The following KANK1 variants were observed in gnomAD, a reference collection of about 807,000 sequenced individuals.
KANK1 encodes the protein KN motif and ankyrin repeat domain-containing protein 1.
A neutral mutation model predicts 106.2 loss-of-function variants in KANK1; 109 were observed. The ratio of observed to expected loss-of-function variants is 1.03; its 90% confidence interval spans 0.88 to 1.20. The LOEUF (loss-of-function observed/expected upper bound fraction) is 1.20, where lower values mean the gene tolerates loss of function less well. Among genes scored for constraint, KANK1 ranks in the 50% most tolerant of loss-of-function variants. The probability of loss-of-function intolerance (pLI) is 0.00; values close to 1 mark genes in which losing one functional copy is unlikely to be tolerated. For missense variants in KANK1, 2,399 were observed against 1,710.7 expected, an observed-to-expected ratio of 1.40 and a Z score of -7.10; for synonymous variants, 873 against 652.2, an observed-to-expected ratio of 1.34 and a Z score of -5.16.
rs969137321 is a variant in KANK1 at position 707,148 on chromosome 9, C to T, written c.38-3656C>T. The T allele has an allele frequency of 2.9e-5, 29 of 985,406 alleles. No individual in the cohort carries two copies. In the East Asian group the frequency reaches 6.8e-4, roughly 23 times the overall value. 61.0% of individuals were successfully genotyped at this position (985,406 alleles called of 1,614,324 possible). On this transcript the variant is annotated intron_variant, in intron 2 of 11. Coordinates refer to ENST00000382297, the MANE Select transcript of KANK1 (RefSeq NM_015158.5). ...ACACGAATGTTGAAACTTCTCCTCACGGGGTGAGGATCGAGGGCGCCCGAG... is the reference window on the plus strand; with the variant it reads ...ACACGAATGTTGAAACTTCTCCTCATGGGGTGAGGATCGAGGGCGCCCGAG...
intron 1 of KANK1, among the ~76,000 whole-genome samples, chr9:514,419 C>G (rs1452765480): frequency 6.7e-6 from 1 of 150,016 alleles, no homozygotes; most frequent in African/African-American, 2.5e-5. Context: ...TCTCCTTTAC[C>G]CAAATGGAGC....
intron 1 of KANK1, among the ~76,000 whole-genome samples, chr9:595,033 A>C (rs1825872864): frequency 6.6e-6 from 1 of 151,974 alleles, no homozygotes; most frequent in African/African-American, 2.4e-5. Context: ...AAAAAAAAGA[A>C]TTTTTAGAAA....
chr9:677,082 A>T (rs1004458347), intron 2 of KANK1, 73 bp downstream of exon 2: 8 of 1,369,402 alleles, frequency 5.8e-6, no homozygotes, highest in Non-Finnish European at 8.3e-6. Context: ...TCTCTTTAAT[A>T]ATGAACGGAT....
chr9:550,683 AGGT>A (rs1294581872), intron 1 of KANK1, among the ~76,000 whole-genome samples: 1 of 152,208 alleles, frequency 6.6e-6, no homozygotes, highest in East Asian at 1.9e-4. Flanking sequence ...CTCACGTGCA[AGGT>A]AGTGGCCAGC....
chr9:593,314 C>A (rs1295739926), intron 1 of KANK1, among the ~76,000 whole-genome samples: 1 of 151,750 alleles, frequency 6.6e-6, no homozygotes, highest in Non-Finnish European at 1.5e-5. Context: ...CATATTCAAA[C>A]AATAAAACAT....
At chr9:593,204 G>A (rs1338038843) in intron 1 of KANK1, among the ~76,000 whole-genome samples, 2 of 151,744 alleles carry the variant, frequency 1.3e-5, no homozygotes. Context: ...CAGACCATGT[G>A]TTCCAGTTTT....
At chr9:627,418 GGA>G (rs1834620658) in intron 1 of KANK1, among the ~76,000 whole-genome samples, 1 of 152,036 alleles carries the variant, frequency 6.6e-6, no homozygotes, top group African/African-American at 2.4e-5. Flanking sequence ...CCCTCCCACT[GGA>G]AGCATTGTGC....
At chr9:717,038 C>G (rs981778709) in intron 3 of KANK1, among the ~76,000 whole-genome samples, 2 of 151,700 alleles carry the variant, frequency 1.3e-5, no homozygotes, top group Non-Finnish European at 2.9e-5. Flanking sequence ...GTAATTCTAG[C>G]ATTCTGAGAG....
chr9:708,972 C>T (rs1326596642), intron 2 of KANK1, among the ~76,000 whole-genome samples: 1 of 152,224 alleles, frequency 6.6e-6, no homozygotes, highest in Non-Finnish European at 1.5e-5. Context: ...TTGAAAGGTT[C>T]TTGTGTTTCC....
intron 5 of KANK1, chr9:731,798 T>G (rs1832350756): frequency 6.5e-6 from 1 of 154,682 alleles, no homozygotes; most frequent in Non-Finnish European, 1.4e-5. Context: ...ACGTACATAG[T>G]TAAGCCCCTT....
intron 2 of KANK1, among the ~76,000 whole-genome samples, chr9:698,250 TC>T (rs1354837387): frequency 2.0e-5 from 3 of 152,102 alleles, no homozygotes; most frequent in Non-Finnish European, 4.4e-5. Flanking sequence ...GCATTTTCAG[TC>T]CTTGCTCTTC....
chr9:606,116 AT>A (rs1343445564), intron 1 of KANK1, among the ~76,000 whole-genome samples: 1 of 149,602 alleles, frequency 6.7e-6, no homozygotes, highest in Non-Finnish European at 1.5e-5. Flanking sequence ...TTCCCCCAGT[AT>A]ATAGCATTGA....
At chr9:640,878 A>G (rs924839071) in intron 1 of KANK1, among the ~76,000 whole-genome samples, 1 of 150,442 alleles carries the variant, frequency 6.6e-6, no homozygotes, top group African/African-American at 2.5e-5. Flanking sequence ...TTGTATTTTT[A>G]GTAGAGACAG....
chr9:706,073 T>A (rs1253293180), intron 2 of KANK1, among the ~76,000 whole-genome samples: 1 of 152,136 alleles, frequency 6.6e-6, no homozygotes, highest in Non-Finnish European at 1.5e-5. Flanking sequence ...ATTAAAAAAA[T>A]AATGACACCG....
intron 1 of KANK1, among the ~76,000 whole-genome samples, chr9:642,084 G>A (rs1838587112): frequency 1.3e-5 from 2 of 152,154 alleles, no homozygotes; most frequent in Admixed American, 6.6e-5. Context: ...GAGATAGGAT[G>A]CCCATAGTCA....
At chr9:492,598 C>G (rs1287629415) in intron 3 of KANK1, among the ~76,000 whole-genome samples, 1 of 151,876 alleles carries the variant, frequency 6.6e-6, no homozygotes, top group African/African-American at 2.4e-5. Flanking sequence ...ATAGAAAGTA[C>G]TAAGTAAATA....
intron 1 of KANK1, among the ~76,000 whole-genome samples, chr9:634,232 G>A (rs1207706589): frequency 6.6e-6 from 1 of 152,176 alleles, no homozygotes; most frequent in African/African-American, 2.4e-5. Flanking sequence ...AGTTTGGTGA[G>A]CGGAGGACTT....
rs1266319252 is a variant in KANK1 at position 654,822 on chromosome 9, A to T, written c.-83-22068A>T. 3.1e-3 allele frequency among the ~76,000 whole-genome samples: 104 copies of T among 33,716 alleles called. 1 individual carries two copies. Among genetic ancestry groups the T allele is most frequent in the East Asian group, 6.3e-3 (11 of 1,756 alleles). The allele number at this position is 33,716 out of a possible 152,430, so 22.1% of individuals were successfully genotyped here. A position where few individuals can be genotyped will look rare whatever the true frequency, so the allele number is the denominator to read the frequency against. On this transcript the variant is annotated intron_variant, in intron 1 of 11. Coordinates refer to ENST00000382297, the MANE Select transcript of KANK1 (RefSeq NM_015158.5). ...ATTTGTGTGTGTGTGTGTGAGAGAG[A>T]GAGAGAGAGAGAGAGAGAGAGAGAG... is the stretch of plus-strand genomic sequence containing the variant.
intron 1 of KANK1, among the ~76,000 whole-genome samples, chr9:649,555 G>A (rs1840429999): frequency 6.6e-6 from 1 of 152,158 alleles, no homozygotes; most frequent in Non-Finnish European, 1.5e-5. Context: ...CCTGATTATA[G>A]CTACACACTA....
Sources: allele counts gnomAD v4.1 joint callset (sites outside exome capture counted in the v4.1 genomes callset), GRCh38; gene constraint gnomAD v4.1.1; transcripts MANE v1.5; gene names NCBI Gene and HGNC (gene_info 2026-07-23, HGNC 2026-07-21).